Variants in RIPOR2 observed in about 807,000 individuals in gnomAD.
RIPOR2 encodes RHO family interacting cell polarization regulator 2.
A neutral mutation model predicts 114.5 loss-of-function variants in RIPOR2; 39 were observed. That is an observed-to-expected ratio of 0.34 (90% confidence interval 0.26 to 0.44). The LOEUF (loss-of-function observed/expected upper bound fraction) is 0.44. Among genes scored for constraint, RIPOR2 ranks in the 20% least tolerant of loss-of-function variants. The probability of loss-of-function intolerance (pLI) is 1.00; values close to 1 mark genes in which losing one functional copy is unlikely to be tolerated. For synonymous variants in RIPOR2, 445 were observed against 484.4 expected, an observed-to-expected ratio of 0.92 and a Z score of 1.07; for missense variants, 1,007 against 1,255.1, an observed-to-expected ratio of 0.80 and a Z score of 2.99.
intron 13 of RIPOR2, chr6:24,839,599 T>G: frequency 1.3e-6 from 2 of 1,536,770 alleles, no homozygotes; most frequent in Non-Finnish European, 1.8e-6. Context: ...CTTCTCTACT[T>G]CTGTTTGAAA....
intron 6 of RIPOR2, 98 bp from the exon 7 acceptor site, chr6:24,865,548 T>A: frequency 9.7e-7 from 1 of 1,033,646 alleles, no homozygotes; most frequent in South Asian, 1.8e-5. Context: ...ATTTCTGACC[T>A]CTACAAAGAG....
intron 21 of RIPOR2, 47 bp downstream of exon 21, chr6:24,809,670 G>A (rs1441588124): frequency 2.4e-6 from 3 of 1,235,032 alleles, no homozygotes; most frequent in South Asian, 1.3e-5. Context: ...ATCCGTTAGA[G>A]AGTGCCAGAA....
chr6:24,978,036 C>T lies in RIPOR2; in HGVS notation c.76+63815G>A, dbSNP rs192377248. ...GTTAAGCTGTGTGAATTGAAGCTTT[C>T]CTGCAACTGCCAGAGTGGGATTTCG... On this transcript the variant is annotated intron_variant, in intron 1 of 13. Coordinates refer to the RIPOR2 transcript ENST00000510784. Among the ~76,000 whole-genome samples the T allele has an allele frequency of 7.2e-5, 11 of 152,284 alleles. No individual in the cohort carries two copies. In the East Asian group the frequency reaches 1.9e-3, roughly 27 times the overall value.
rs758675486 is a variant in RIPOR2 at position 24,817,976 on chromosome 6, C to CTTTTTTTT, written c.2952+565_2952+566insAAAAAAAA. Among the ~76,000 whole-genome samples, 9 of 84,442 alleles carry CTTTTTTTT rather than the reference C, an allele frequency of 1.1e-4. 2 individuals are homozygous for CTTTTTTTT. The highest frequency in any genetic ancestry group is 1.8e-4 in the Non-Finnish European group (7 of 39,904). The allele number at this position is 84,442 out of a possible 152,430, so 55.4% of individuals were successfully genotyped here. A position where few individuals can be genotyped will look rare whatever the true frequency, so the allele number is the denominator to read the frequency against. On this transcript the variant is annotated intron_variant, in intron 20 of 21. Transcript: ENST00000643898. The stretch of plus-strand genomic sequence containing the variant: ...ATATACTTTCCTTTTCTCTCTCTCT[C>CTTTTTTTT]TCTTTTTTTTTGAGACAGAGTCTGG...
chr6:24,947,532 C>T (rs1156366011), intron 1 of RIPOR2, among the ~76,000 whole-genome samples: 1 of 152,100 alleles, frequency 6.6e-6, no homozygotes, highest in Non-Finnish European at 1.5e-5. Context: ...TCCTGTGGAC[C>T]GAATTATGGA....
At chr6:24,824,474 C>G (rs1408049636) in intron 19 of RIPOR2, among the ~76,000 whole-genome samples, 1 of 152,146 alleles carries the variant, frequency 6.6e-6, no homozygotes, top group Non-Finnish European at 1.5e-5. Flanking sequence ...TTGAGCTGAT[C>G]TGGATTTTGA....
chr6:25,012,254 T>C (rs1451523402), intron 1 of RIPOR2, among the ~76,000 whole-genome samples: 1 of 152,192 alleles, frequency 6.6e-6, no homozygotes, highest in Non-Finnish European at 1.5e-5. Flanking sequence ...GTGGAGAAAT[T>C]GAAGCTCTCA....
At chr6:24,997,101 A>T (rs955898795) in intron 1 of RIPOR2, among the ~76,000 whole-genome samples, 1 of 152,222 alleles carries the variant, frequency 6.6e-6, no homozygotes, top group African/African-American at 2.4e-5. Flanking sequence ...TTGTCTGCTC[A>T]TTGGGCTCAC....
rs781259138 is a variant in RIPOR2, at chr6:24,843,381, G to A, written c.1338C>T (p.Asn446=). 3.0e-5 allele frequency: 48 copies of A among 1,613,798 alleles called. No individual in the cohort carries two copies. Among genetic ancestry groups the A allele is most frequent in the Non-Finnish European group, 2.2e-5 (26 of 1,179,886 alleles). The stretch of plus-strand genomic sequence containing the variant: ...CATTCTGGGAGGCCAAGCTGCTGAG[G>A]TTAAACTCCGCAGGGGTGATGGTAA... ...PEITITPAEF[N]LSSLASQNEG... is the part of the protein sequence containing the mutation. The change falls in exon 13 of 22, where the codon AAC becomes AAT. Residue 446 remains asparagine (N), a synonymous_variant. Coordinates refer to ENST00000643898, the MANE Select transcript of RIPOR2 (RefSeq NM_001286445.3).
At position 25,037,644 on chromosome 6, in the gene RIPOR2, T is replaced by C. The variant is rs1219392257; in HGVS notation, c.76+4207A>G. Among the ~76,000 whole-genome samples the C allele has an allele frequency of 6.6e-6, 1 of 152,218 alleles. No homozygotes were observed. Among genetic ancestry groups the C allele is most frequent in the Non-Finnish European group, 1.5e-5 (1 of 68,050 alleles). On this transcript the variant is annotated intron_variant, in intron 1 of 13. Transcript: ENST00000510784. The surrounding 1 kb of genome is among the most constrained non-coding windows in gnomAD (Gnocchi z 4.5). ...CGTTCTCATACCTTGGTTTGATTAT[T>C]ATTATTATTTTTTTACTACACTGCT...
At chr6:24,948,624 C>T (rs918542740) in intron 1 of RIPOR2, among the ~76,000 whole-genome samples, 5 of 152,002 alleles carry the variant, frequency 3.3e-5, no homozygotes, top group Admixed American at 6.6e-5. Flanking sequence ...CTCTGCCTCC[C>T]GGATTCAAGA....
At chr6:24,910,780 T>C (rs1438710239) in intron 1 of RIPOR2, 2 of 983,738 alleles carry the variant, frequency 2.0e-6, no homozygotes, top group African/African-American at 1.8e-5. Flanking sequence ...GTACGCAAAA[T>C]CAGAAGCAAA....
At chr6:24,881,471 G>A (rs1017181845) in intron 1 of RIPOR2, among the ~76,000 whole-genome samples, 1 of 152,092 alleles carries the variant, frequency 6.6e-6, no homozygotes, top group African/African-American at 2.4e-5. Flanking sequence ...AACACAACAG[G>A]GTCTTTCTGG....
At chr6:24,863,110 G>A (rs983715289) in intron 7 of RIPOR2, among the ~76,000 whole-genome samples, 2 of 151,864 alleles carry the variant, frequency 1.3e-5, no homozygotes, top group South Asian at 4.2e-4. Flanking sequence ...CCGCCACCAC[G>A]CCCGGCTAAT....
chr6:25,023,797 G>A (rs1776454122), intron 1 of RIPOR2: 3 of 775,666 alleles, frequency 3.9e-6, no homozygotes, highest in East Asian at 4.9e-5. Flanking sequence ...TCACCTTCAC[G>A]GGGACCCCTT....
intron 1 of RIPOR2, among the ~76,000 whole-genome samples, chr6:24,981,485 C>G (rs1774294555): frequency 6.6e-6 from 1 of 152,206 alleles, no homozygotes. Context: ...ACCCCCACAG[C>G]CCCCACTGCC....
intron 1 of RIPOR2, among the ~76,000 whole-genome samples, chr6:24,920,404 T>C (rs1398959471): frequency 6.6e-6 from 1 of 152,178 alleles, no homozygotes; most frequent in South Asian, 2.1e-4. Flanking sequence ...AGAACACTGC[T>C]TCCCAGGACA....
rs114484208 is a variant in RIPOR2 at position 24,956,823 on chromosome 6, T to C, written c.77-81006A>G. The stretch of plus-strand genomic sequence containing the variant: ...CTAGCTCAGAATCAGATAAACATTG[T>C]TTTGTTTTCTTGTAGTTCTTTTAAG... On this transcript the variant is annotated intron_variant, in intron 1 of 13. Coordinates refer to the RIPOR2 transcript ENST00000510784. Among the ~76,000 whole-genome samples, 1,389 of 152,342 alleles carry C rather than the reference T, an allele frequency of 9.1e-3. 13 individuals are homozygous for C. The highest frequency in any genetic ancestry group is 0.029 in the African/African-American group (1,187 of 41,584).
At chr6:24,891,133 A>G (rs574254905) in intron 1 of RIPOR2, among the ~76,000 whole-genome samples, 1 of 152,322 alleles carries the variant, frequency 6.6e-6, no homozygotes, top group East Asian at 1.9e-4. Context: ...TTAACAAAGT[A>G]AGGCAGTGCT....
Sources: allele counts gnomAD v4.1 joint callset (sites outside exome capture counted in the v4.1 genomes callset), GRCh38; gene constraint gnomAD v4.1.1; non-coding constraint Gnocchi (gnomAD v3.1); transcripts MANE v1.5; gene names NCBI Gene and HGNC (gene_info 2026-07-23, HGNC 2026-07-21).